Variants in PDZD2 observed in about 807,000 individuals in gnomAD.
PDZD2 encodes PDZ domain-containing protein 2.
PDZD2 carries 90 observed loss-of-function variants against 220.7 expected under a neutral mutation model. The observed-to-expected ratio is 0.41, with a 90% confidence interval of 0.34 to 0.49. PDZD2 has a LOEUF of 0.49. PDZD2 is among the 20% of genes least tolerant of loss of function. The pLI, the probability that PDZD2 is intolerant of heterozygous loss-of-function variation, is 0.28. For missense variants in PDZD2, 3,174 were observed against 3,608.5 expected (o/e 0.88, Z 3.08); for synonymous variants, 1,375 against 1,450.5 (o/e 0.95, Z 1.18).
chr5:31,723,365 A>ATTGG (rs1748917810), intron 1 of PDZD2, among the ~76,000 whole-genome samples: 1 of 151,746 alleles, frequency 6.6e-6, no homozygotes. Context: ...CTGGAATGAG[A>ATTGG]TTGGACATGT....
intron 2 of PDZD2, among the ~76,000 whole-genome samples, chr5:31,890,613 G>T (rs1345821571): frequency 6.6e-6 from 1 of 152,164 alleles, no homozygotes; most frequent in Non-Finnish European, 1.5e-5. Flanking sequence ...GTACTACTTA[G>T]CAGGGGACCC....
At chr5:31,651,585 C>G (rs16901345) in intron 1 of PDZD2, among the ~76,000 whole-genome samples, 1,556 of 152,216 alleles carry the variant, frequency 0.01, 27 homozygotes, top group African/African-American at 0.036. Flanking sequence ...TGGTTAAAAT[C>G]TGTGCTGAAA....
intron 2 of PDZD2, among the ~76,000 whole-genome samples, chr5:31,928,215 A>G (rs1744958814): frequency 6.6e-6 from 1 of 152,154 alleles, no homozygotes; most frequent in South Asian, 2.1e-4. Flanking sequence ...ATATTTCACT[A>G]TAAAAAGATG....
intron 3 of PDZD2, among the ~76,000 whole-genome samples, chr5:31,984,469 T>C (rs1028098016): frequency 1.3e-5 from 2 of 152,254 alleles, no homozygotes; most frequent in Admixed American, 6.5e-5. Context: ...ACGTGGATGC[T>C]GACTGGTTTC....
At chr5:31,795,361 C>T (rs529330997) in intron 1 of PDZD2, among the ~76,000 whole-genome samples, 6 of 152,326 alleles carry the variant, frequency 3.9e-5, no homozygotes, top group Non-Finnish European at 5.9e-5. Flanking sequence ...TAAATTATCT[C>T]AGTAACAGAA....
Position 32,090,377 on chromosome 5 carries a change from ACAAAAT to A in PDZD2, c.6934_6939del (p.Ile2312_Lys2313del). 6.2e-7 allele frequency: 1 copy of A among 1,614,194 alleles called. No individual in the cohort carries two copies. The highest frequency in any genetic ancestry group is 8.5e-7 in the Non-Finnish European group (1 of 1,180,020). The stretch of plus-strand genomic sequence containing the variant: ...CAGGAGACGAGCTGCCTAGTCACAG[ACAAAAT>A]CAAAGTCACCAGACGACACTACTGC... On this transcript the variant is annotated inframe_deletion, in exon 20 of 25. Coordinates refer to ENST00000438447, the MANE Select transcript of PDZD2 (RefSeq NM_178140.4). The surrounding 1 kb of genome is among the most constrained non-coding windows in gnomAD (Gnocchi z 4.3).
At chr5:31,911,677 C>T (rs1743218373) in intron 2 of PDZD2, among the ~76,000 whole-genome samples, 1 of 152,142 alleles carries the variant, frequency 6.6e-6, no homozygotes. Context: ...TGGGAAGAAC[C>T]AAGAATCAGG....
intron 2 of PDZD2, among the ~76,000 whole-genome samples, chr5:31,976,714 C>T (rs912568158): frequency 9.0e-5 from 9 of 99,674 alleles, no homozygotes; most frequent in Admixed American, 1.2e-4. Context: ...TTTCTTCTTT[C>T]TTTTTTTTTT....
chr5:32,108,075 G>A lies in PDZD2; in HGVS notation c.8460G>A (p.Met2820Ile), dbSNP rs1744966770. 4 of 1,611,546 alleles carry A rather than the reference G, an allele frequency of 2.5e-6. No individual in the cohort carries two copies. The highest frequency in any genetic ancestry group is 1.1e-5 in the South Asian group (1 of 91,000). The change falls in exon 25 of 25, where the codon ATG becomes ATA. Residue 2820 changes from methionine to isoleucine, a missense_variant. Physicochemically the swap from Met to Ile is conservative, Grantham distance 10. This residue lies in a region of PDZD2 where 631 missense variants were observed against 789.9 expected (regional missense o/e 0.80). Coordinates refer to ENST00000438447, the MANE Select transcript of PDZD2 (RefSeq NM_178140.4). ...GLMHFDAWNIMKSVPEGPVQL... is the reference protein window; with the variant it reads ...GLMHFDAWNIIKSVPEGPVQL... ...TGCACTTTGATGCCTGGAATATTAT[G>A]AAGTCTGTCCCAGAAGGACCTGTGC...
At chr5:31,770,585 G>T (rs1752283565) in intron 1 of PDZD2, among the ~76,000 whole-genome samples, 1 of 152,196 alleles carries the variant, frequency 6.6e-6, no homozygotes, top group South Asian at 2.1e-4. Flanking sequence ...GGGACCCAGA[G>T]TATGTTCTAA....
At chr5:31,826,650 C>T (rs1275081112) in intron 2 of PDZD2, among the ~76,000 whole-genome samples, 9 of 149,284 alleles carry the variant, frequency 6.0e-5, no homozygotes, top group South Asian at 4.2e-4. Flanking sequence ...CACTCCAGCC[C>T]GGGTGACAGA....
intron 1 of PDZD2, among the ~76,000 whole-genome samples, chr5:31,793,701 G>A (rs1753846836): frequency 1.3e-5 from 2 of 152,212 alleles, no homozygotes; most frequent in African/African-American, 4.8e-5. Flanking sequence ...GCAGCTACTT[G>A]GGAGACTGAG....
chr5:31,776,122 G>T (rs1752629049), intron 1 of PDZD2, among the ~76,000 whole-genome samples: 2 of 152,150 alleles, frequency 1.3e-5, no homozygotes, highest in African/African-American at 4.8e-5. Context: ...AAAGGACAAG[G>T]CCTGTGTGAA....
At chr5:31,951,750 C>T (rs556767147) in intron 2 of PDZD2, among the ~76,000 whole-genome samples, 1 of 152,266 alleles carries the variant, frequency 6.6e-6, no homozygotes, top group East Asian at 1.9e-4. Context: ...TGCCCTTTCT[C>T]TCAGAAAAAT....
intron 24 of PDZD2, among the ~76,000 whole-genome samples, chr5:32,107,039 C>T (rs147011957): frequency 5.3e-5 from 8 of 152,318 alleles, no homozygotes; most frequent in African/African-American, 1.7e-4. Flanking sequence ...GAAATCGATA[C>T]ATCTGCTCAG....
At chr5:31,958,400 C>T (rs1747918490) in intron 2 of PDZD2, among the ~76,000 whole-genome samples, 1 of 151,478 alleles carries the variant, frequency 6.6e-6, no homozygotes, top group Admixed American at 6.6e-5. Flanking sequence ...ATTACAGGTG[C>T]CTGCCACTGC....
chr5:31,786,653 T>G (rs1417992736), intron 1 of PDZD2, among the ~76,000 whole-genome samples: 1 of 151,946 alleles, frequency 6.6e-6, no homozygotes, highest in Admixed American at 6.6e-5. Flanking sequence ...CCTCGCTAAC[T>G]TAGCTCCAAG....
At chr5:31,851,058 C>T (rs1228517507) in intron 2 of PDZD2, among the ~76,000 whole-genome samples, 1 of 152,128 alleles carries the variant, frequency 6.6e-6, no homozygotes, top group Non-Finnish European at 1.5e-5. Flanking sequence ...GTTAAGTTTG[C>T]CTTTAGGCAC....
chr5:32,055,201 T>A (rs1469356305), intron 10 of PDZD2, among the ~76,000 whole-genome samples: 1 of 152,114 alleles, frequency 6.6e-6, no homozygotes, highest in Non-Finnish European at 1.5e-5. Flanking sequence ...ATATATATAT[T>A]TATTTTATTG....
Sources: gnomAD v4.1 joint callset for allele counts (sites outside exome capture counted in the v4.1 genomes callset) on GRCh38, gnomAD v4.1.1 for gene constraint, gnomAD v4.1.1 regional missense constraint, Gnocchi (gnomAD v3.1) non-coding constraint, MANE v1.5 for transcripts, NCBI Gene and HGNC (gene_info 2026-07-23, HGNC 2026-07-21) for gene names.